LARGE1: variants seen among roughly 807,000 people sequenced by gnomAD.
LARGE1 encodes the protein LARGE xylosyl- and glucuronyltransferase 1, also known as xylosyl- and glucuronyltransferase LARGE1.
In LARGE1, 43 loss-of-function variants were observed where a neutral mutation model predicts 87.6. The ratio of observed to expected loss-of-function variants is 0.49; its 90% CI spans 0.38 to 0.63. The LOEUF is 0.63. Ranked by LOEUF, LARGE1 falls within the 30% of genes least tolerant of loss-of-function variation. The probability of loss-of-function intolerance (pLI) is 0.00; values close to 1 mark genes in which losing one functional copy is unlikely to be tolerated. For synonymous variants in LARGE1, 434 were observed against 394.6 expected (o/e 1.10, Z -1.18); for missense variants, 802 against 1,000.2 (o/e 0.80, Z 2.67).
intron 6 of LARGE1, among the ~76,000 whole-genome samples, chr22:33,478,590 T>C (rs368925049): frequency 3.3e-5 from 5 of 152,246 alleles, no homozygotes; most frequent in African/African-American, 1.2e-4. Flanking sequence ...TTTTGCCTTT[T>C]GCTATTTGCT....
At chr22:33,886,898 G>A (rs1165520461) in intron 1 of LARGE1, among the ~76,000 whole-genome samples, 1 of 152,096 alleles carries the variant, frequency 6.6e-6, no homozygotes, top group Non-Finnish European at 1.5e-5. Flanking sequence ...CAGCAGGGAA[G>A]AAACAAATAA....
At chr22:33,301,359 G>C (rs1174714745) in intron 12 of LARGE1, among the ~76,000 whole-genome samples, 2 of 152,130 alleles carry the variant, frequency 1.3e-5, no homozygotes, top group African/African-American at 4.8e-5. Flanking sequence ...GTAGTTTGGG[G>C]TGGGGGTGTG....
chr22:33,808,876 G>T (rs1246016431), intron 1 of LARGE1, among the ~76,000 whole-genome samples: 4 of 152,140 alleles, frequency 2.6e-5, no homozygotes, highest in Non-Finnish European at 5.9e-5. Context: ...ACACTGTCTG[G>T]TGGGTCTCAA....
intron 4 of LARGE1, among the ~76,000 whole-genome samples, chr22:33,607,374 G>A (rs2079294816): frequency 6.8e-6 from 1 of 146,004 alleles, no homozygotes; most frequent in African/African-American, 2.6e-5. Context: ...GGCAGGAGCA[G>A]CACTTGAACC....
At chr22:33,717,672 C>A (rs2082953186) in intron 2 of LARGE1, among the ~76,000 whole-genome samples, 1 of 152,186 alleles carries the variant, frequency 6.6e-6, no homozygotes, top group African/African-American at 2.4e-5. Context: ...TGAACAATCC[C>A]AAGCACTAAC....
At chr22:33,410,392 G>C (rs578012585) in intron 7 of LARGE1, among the ~76,000 whole-genome samples, 2 of 152,092 alleles carry the variant, frequency 1.3e-5, no homozygotes, top group African/African-American at 4.8e-5. Flanking sequence ...CATGCCTAGG[G>C]AGAGATATGA....
At chr22:33,127,371 T>C in the LARGE1 span, among the ~76,000 whole-genome samples, 1 of 152,160 alleles carries the variant, frequency 6.6e-6, no homozygotes, top group Non-Finnish European at 1.5e-5. Context: ...ACTCAATCTC[T>C]AGTGAATTCT....
chr22:33,774,730 A>T (rs2085181178), intron 1 of LARGE1, among the ~76,000 whole-genome samples: 2 of 152,342 alleles, frequency 1.3e-5, no homozygotes, highest in South Asian at 4.1e-4. Context: ...AATCAATATA[A>T]AGCATTACTA....
intron 6 of LARGE1, among the ~76,000 whole-genome samples, chr22:33,481,062 G>A (rs1327593420): frequency 6.6e-6 from 1 of 151,050 alleles, no homozygotes; most frequent in Non-Finnish European, 1.5e-5. Flanking sequence ...TAATTTCCTG[G>A]AAATGAAATG....
chr22:33,429,387 G>C (rs951416116), intron 7 of LARGE1, among the ~76,000 whole-genome samples: 10 of 152,134 alleles, frequency 6.6e-5, no homozygotes, highest in Admixed American at 6.5e-4. Flanking sequence ...CAGTACCAGC[G>C]AGGAGGGAAG....
exon 12 of LARGE1, chr22:33,166,479 G>A: frequency 3.3e-6 from 1 of 303,172 alleles, no homozygotes; most frequent in Non-Finnish European, 6.5e-6. Flanking sequence ...TTACCACGGG[G>A]ATGTTCACCT....
intron 1 of LARGE1, among the ~76,000 whole-genome samples, chr22:33,816,628 G>A (rs1223934812): frequency 6.6e-6 from 1 of 152,012 alleles, no homozygotes; most frequent in African/African-American, 2.4e-5. Flanking sequence ...AGGCAGGCAG[G>A]CGGGAGGGCG....
the LARGE1 span, among the ~76,000 whole-genome samples, chr22:33,124,819 T>G: frequency 6.6e-6 from 1 of 152,128 alleles, no homozygotes; most frequent in Admixed American, 6.5e-5. Flanking sequence ...CTGGGCAACA[T>G]AGCAAGATCC....
At chr22:33,588,863 G>T (rs2078755745) in intron 5 of LARGE1, among the ~76,000 whole-genome samples, 1 of 152,218 alleles carries the variant, frequency 6.6e-6, no homozygotes, top group Non-Finnish European at 1.5e-5. Context: ...TTATCTGGAT[G>T]ACTACTAAAG....
intron 1 of LARGE1, among the ~76,000 whole-genome samples, chr22:33,896,993 G>A (rs1179872248): frequency 2.0e-5 from 3 of 152,164 alleles, no homozygotes; most frequent in Non-Finnish European, 4.4e-5. Flanking sequence ...AACAGTTGAA[G>A]CTGCTTTTCT....
chr22:33,432,581 A>T (rs2067117128), intron 6 of LARGE1, among the ~76,000 whole-genome samples: 1 of 141,534 alleles, frequency 7.1e-6, no homozygotes, highest in Non-Finnish European at 1.5e-5. Context: ...TCATTCATTC[A>T]TTCATTCATT....
intron 6 of LARGE1, among the ~76,000 whole-genome samples, chr22:33,451,022 GC>G (rs1472137107): frequency 6.6e-6 from 1 of 152,184 alleles, no homozygotes; most frequent in Non-Finnish European, 1.5e-5. Flanking sequence ...TGCAGACGCA[GC>G]CCACTGATCT....
At chr22:33,630,715 C>T (rs1252082714) in intron 3 of LARGE1, among the ~76,000 whole-genome samples, 1 of 152,170 alleles carries the variant, frequency 6.6e-6, no homozygotes, top group East Asian at 1.9e-4. Flanking sequence ...CATTATAGTA[C>T]ACTACTGTGT....
the LARGE1 span, among the ~76,000 whole-genome samples, chr22:33,142,657 A>G: frequency 8.2e-6 from 1 of 122,434 alleles, no homozygotes; most frequent in African/African-American, 2.7e-5. Flanking sequence ...GTTTTGAATA[A>G]ATACTCAGTT....
Sources: gnomAD v4.1 joint callset for allele counts (sites outside exome capture counted in the v4.1 genomes callset) on GRCh38, gnomAD v4.1.1 for gene constraint, MANE v1.5 for transcripts, NCBI Gene and HGNC (gene_info 2026-07-23, HGNC 2026-07-21) for gene names.